ARSB: variants seen among roughly 807,000 people sequenced by gnomAD.
ARSB encodes N-acetylgalactosamine-4-sulfatase.
In ARSB, 41 loss-of-function variants were observed where a neutral mutation model predicts 50.9. That is an observed-to-expected ratio of 0.81 (90% CI 0.63 to 1.04). ARSB has a LOEUF of 1.04. Ranked by LOEUF, ARSB falls within the 50% of genes least tolerant of loss-of-function variation. The pLI, the probability that ARSB is intolerant of heterozygous loss-of-function variation, is 0.00. For missense variants in ARSB, 672 were observed against 693.3 expected (o/e 0.97, Z 0.35); for synonymous variants, 269 against 284.8 (o/e 0.94, Z 0.56).
chr5:78,859,922 A>C (rs963560268), intron 5 of ARSB, among the ~76,000 whole-genome samples: 4 of 152,106 alleles, frequency 2.6e-5, no homozygotes. Context: ...ACCTCAGAAC[A>C]CTCCATACTG....
At chr5:78,828,115 C>T (rs115920666) in intron 6 of ARSB, among the ~76,000 whole-genome samples, 4,318 of 152,052 alleles carry the variant, frequency 0.028, 177 homozygotes, top group African/African-American at 0.098. Flanking sequence ...TCATACTGAA[C>T]GGTGAAATGT....
At chr5:78,883,566 T>C (rs968740276) in intron 5 of ARSB, 1 of 152,242 alleles carries the variant, frequency 6.6e-6, no homozygotes, top group Non-Finnish European at 1.5e-5. Flanking sequence ...TGAAAAGTGA[T>C]CTTTAAAATT....
intron 1 of ARSB, among the ~76,000 whole-genome samples, chr5:78,975,171 CA>C (rs1752613136): frequency 6.6e-6 from 1 of 152,252 alleles, no homozygotes; most frequent in Non-Finnish European, 1.5e-5. Context: ...CGACCACTGG[CA>C]GGAGTCCACT....
intron 4 of ARSB, among the ~76,000 whole-genome samples, chr5:78,943,866 A>G (rs1333899339): frequency 6.6e-6 from 1 of 152,212 alleles, no homozygotes; most frequent in Non-Finnish European, 1.5e-5. Flanking sequence ...AGTATCCTGC[A>G]GAGTGTTTTC....
chr5:78,881,029 C>T (rs1220525218), intron 5 of ARSB, among the ~76,000 whole-genome samples: 1 of 152,102 alleles, frequency 6.6e-6, no homozygotes, highest in African/African-American at 2.4e-5. Context: ...GCCAGGAGTT[C>T]AAGACTGGTT....
intron 5 of ARSB, among the ~76,000 whole-genome samples, chr5:78,873,331 A>C (rs1190331556): frequency 6.6e-6 from 1 of 152,030 alleles, no homozygotes; most frequent in African/African-American, 2.4e-5. Flanking sequence ...TAGAAATTAA[A>C]AGAGAAAGGA....
intron 6 of ARSB, among the ~76,000 whole-genome samples, chr5:78,810,184 T>C (rs970356138): frequency 6.6e-6 from 1 of 152,212 alleles, no homozygotes; most frequent in Non-Finnish European, 1.5e-5. Flanking sequence ...TTTCTTTAAC[T>C]CTCATTTCTC....
intron 1 of ARSB, among the ~76,000 whole-genome samples, chr5:78,983,682 G>T (rs1335064872): frequency 6.6e-6 from 1 of 152,082 alleles, no homozygotes; most frequent in Non-Finnish European, 1.5e-5. Context: ...TTCTAACCTT[G>T]GCTACAGCTA....
intron 4 of ARSB, among the ~76,000 whole-genome samples, chr5:78,900,155 A>C (rs765235153): frequency 7.6e-4 from 116 of 152,050 alleles, no homozygotes; most frequent in Non-Finnish European, 1.1e-3. Context: ...GCAGTGTGGG[A>C]AGACTGGCTA....
chr5:78,865,595 C>T (rs1746681134), intron 5 of ARSB, among the ~76,000 whole-genome samples: 1 of 152,234 alleles, frequency 6.6e-6, no homozygotes, highest in South Asian at 2.1e-4. Context: ...TTTCCACAGC[C>T]TGCTTGAATT....
intron 6 of ARSB, among the ~76,000 whole-genome samples, chr5:78,807,291 T>A (rs1258275886): frequency 6.6e-6 from 1 of 152,214 alleles, no homozygotes; most frequent in Non-Finnish European, 1.5e-5. Context: ...TGGTTGGTGG[T>A]CCCCAAGCTC....
intron 5 of ARSB, among the ~76,000 whole-genome samples, chr5:78,871,467 G>A (rs1261351377): frequency 6.6e-6 from 1 of 150,864 alleles, no homozygotes; most frequent in African/African-American, 2.4e-5. Context: ...CCAAAACAGA[G>A]ATATAGATCA....
chr5:78,939,528 T>G (rs968960813), intron 4 of ARSB, among the ~76,000 whole-genome samples: 1 of 151,806 alleles, frequency 6.6e-6, no homozygotes, highest in African/African-American at 2.4e-5. Context: ...TGAGAACATG[T>G]GGTGTTTGGT....
At chr5:78,853,615 C>T (rs1456133495) in intron 5 of ARSB, among the ~76,000 whole-genome samples, 1 of 152,204 alleles carries the variant, frequency 6.6e-6, no homozygotes, top group Non-Finnish European at 1.5e-5. Context: ...TTTAAGTCTG[C>T]AGATGTTACT....
At chr5:78,806,712 T>G (rs1425186569) in intron 6 of ARSB, among the ~76,000 whole-genome samples, 8 of 152,242 alleles carry the variant, frequency 5.3e-5, no homozygotes. Flanking sequence ...CAGCTTCTCC[T>G]GGATTCCAAC....
rs182393805 is a variant in ARSB at position 78,944,933 on chromosome 5, G to A, written c.898+10362C>T. On this transcript the variant is annotated intron_variant, in intron 4 of 7. Coordinates refer to ENST00000264914, the MANE Select transcript of ARSB (RefSeq NM_000046.5). ...AGCTGCGGTGGGCTCTACCCAGTTC[G>A]AGCTTCCCGGCCACTTTGTTTACCT... Among the ~76,000 whole-genome samples, 26 of 152,288 alleles carry A rather than the reference G, an allele frequency of 1.7e-4. No homozygotes were observed. In the East Asian group the frequency reaches 4.6e-3, roughly 27 times the overall value.
At chr5:78,968,397 G>C (rs1752303208) in intron 2 of ARSB, among the ~76,000 whole-genome samples, 2 of 150,736 alleles carry the variant, frequency 1.3e-5, no homozygotes. Context: ...GCCCAGGCTA[G>C]AGTGCAGTGG....
At chr5:78,875,302 T>C (rs1747433571) in intron 5 of ARSB, among the ~76,000 whole-genome samples, 2 of 152,280 alleles carry the variant, frequency 1.3e-5, no homozygotes, top group African/African-American at 4.8e-5. Flanking sequence ...CCATTCCCCA[T>C]AGAATACATT....
chr5:78,961,189 G>A (rs1298213985), intron 3 of ARSB, among the ~76,000 whole-genome samples: 1 of 152,142 alleles, frequency 6.6e-6, no homozygotes, highest in East Asian at 1.9e-4. Context: ...TATAGTACCT[G>A]AGAAATTAGC....
Sources: gnomAD v4.1 joint callset for allele counts (sites outside exome capture counted in the v4.1 genomes callset) on GRCh38, gnomAD v4.1.1 for gene constraint, MANE v1.5 for transcripts, NCBI Gene and HGNC (gene_info 2026-07-23, HGNC 2026-07-21) for gene names.